The following TENM3 variants were observed in gnomAD, a reference collection of about 807,000 sequenced individuals.
The protein encoded by TENM3 is teneurin-3.
A neutral mutation model predicts 255.1 loss-of-function variants in TENM3; 63 were observed. That is an observed-to-expected ratio of 0.25 (90% CI 0.20 to 0.30). The LOEUF (loss-of-function observed/expected upper bound fraction) is 0.30, where lower values mean the gene tolerates loss of function less well. Among genes scored for constraint, TENM3 ranks in the 10% least tolerant of loss-of-function variants. The pLI is 1.00. For synonymous variants in TENM3, 1,306 were observed against 1,322.3 expected (o/e 0.99, Z 0.27); for missense variants, 2,929 against 3,461.1 (o/e 0.85, Z 3.86).
At chr4:182,355,687 C>T (rs1765476031) in intron 3 of TENM3, among the ~76,000 whole-genome samples, 1 of 151,724 alleles carries the variant, frequency 6.6e-6, no homozygotes, top group Admixed American at 6.6e-5. Context: ...AAAGGGAGAC[C>T]CATTTAAGTA....
At chr4:181,553,566 C>G in the TENM3 span, among the ~76,000 whole-genome samples, 10 of 151,904 alleles carry the variant, frequency 6.6e-5, no homozygotes, top group East Asian at 2.0e-4. Context: ...CTCAGCCTCC[C>G]GAGTAGCTGG....
the TENM3 span, among the ~76,000 whole-genome samples, chr4:182,076,326 T>C: frequency 1.2e-3 from 185 of 150,262 alleles, 2 homozygotes; most frequent in East Asian, 0.018. Context: ...TGCCTCAGCC[T>C]CCCAGTAGCT....
chr4:181,748,723 A>G, the TENM3 span, among the ~76,000 whole-genome samples: 2 of 152,066 alleles, frequency 1.3e-5, no homozygotes, highest in Admixed American at 6.6e-5. Flanking sequence ...TAACAGTCCA[A>G]TTGCTTGTCA....
the TENM3 span, among the ~76,000 whole-genome samples, chr4:181,919,830 C>A: frequency 6.7e-6 from 1 of 150,102 alleles, no homozygotes; most frequent in Non-Finnish European, 1.5e-5. Flanking sequence ...TGTGCTGCAC[C>A]CATTAACTCG....
the TENM3 span, among the ~76,000 whole-genome samples, chr4:181,458,459 T>A: frequency 2.6e-5 from 4 of 152,064 alleles, no homozygotes; most frequent in African/African-American, 9.6e-5. Flanking sequence ...GGGTGAAACG[T>A]CCTCTTGGAT....
chr4:182,679,675 G>A lies in TENM3; in HGVS notation c.1336G>A (p.Val446Met), dbSNP rs755138158. 39 of 1,612,156 alleles carry A rather than the reference G, an allele frequency of 2.4e-5. No homozygotes were observed. The highest frequency in any genetic ancestry group is 2.0e-4 in the Middle Eastern group (1 of 5,012). Residue 446 changes from valine (V) to methionine (M), a missense_variant, in exon 8 of 28, where the codon GTG (valine) becomes ATG (methionine). By Grantham distance (21) the Val-to-Met change is conservative. Transcript: ENST00000511685. ...CTCGTCCTCCCCCCAGTATGACTTCGTGGAGCTCCTGGATGGCAGCAGGCT... is the reference window on the plus strand; with the variant it reads ...CTCGTCCTCCCCCCAGTATGACTTCATGGAGCTCCTGGATGGCAGCAGGCT... ...LPPSHTQYDFVELLDGSRLIA... is the reference protein window; with the variant it reads ...LPPSHTQYDFMELLDGSRLIA...
chr4:182,619,231 T>C (rs1223873092), intron 4 of TENM3, among the ~76,000 whole-genome samples: 1 of 151,790 alleles, frequency 6.6e-6, no homozygotes, highest in African/African-American at 2.4e-5. Context: ...ATCAAGACCA[T>C]CCTGGCCAAC....
the TENM3 span, among the ~76,000 whole-genome samples, chr4:181,679,645 T>C: frequency 8.5e-5 from 13 of 152,122 alleles, no homozygotes; most frequent in Non-Finnish European, 1.5e-4. Context: ...CTCACCTTCC[T>C]CCTGAGGGAA....
the TENM3 span, among the ~76,000 whole-genome samples, chr4:181,632,566 G>A: frequency 2.4e-3 from 361 of 152,286 alleles, 1 homozygote; most frequent in Middle Eastern, 6.8e-3. Context: ...GATCTATATC[G>A]TAATGGAAAG....
At chr4:181,793,013 ATAAAT>A in the TENM3 span, among the ~76,000 whole-genome samples, 2 of 152,192 alleles carry the variant, frequency 1.3e-5, no homozygotes, top group East Asian at 3.9e-4. Flanking sequence ...CATTAAAAAA[ATAAAT>A]TAAGACAAAC....
rs772930684 is a variant in TENM3, at chr4:182,792,595, G to A, written c.5923G>A (p.Gly1975Arg). 6.2e-7 allele frequency: 1 copy of A among 1,613,886 alleles called. No individual in the cohort carries two copies. The highest frequency in any genetic ancestry group is 1.3e-5 in the African/African-American group (1 of 74,928). The change falls in exon 26 of 28, where the codon GGA (glycine) becomes AGA (arginine). Residue 1975 changes from glycine to arginine, a missense_variant. Gly to Arg is a moderately radical substitution (Grantham distance 125, BLOSUM62 -2). Coordinates refer to ENST00000511685, the MANE Select transcript of TENM3 (RefSeq NM_001080477.4). This position sits in a 1 kb window ranked among gnomAD's most constrained non-coding sequence, Gnocchi z 6.3. Reference protein sequence around the residue: ...RVSFTYDETAGVLKTVNLQSD... With the variant: ...RVSFTYDETARVLKTVNLQSD... ...CAGTTTTACCTATGATGAAACAGCA[G>A]GAGTCCTAAAGACAGTAAACCTCCA...
At chr4:182,481,391 G>GT (rs1250147533) in intron 3 of TENM3, among the ~76,000 whole-genome samples, 1 of 152,088 alleles carries the variant, frequency 6.6e-6, no homozygotes, top group Non-Finnish European at 1.5e-5. Context: ...GCTCCTGTTA[G>GT]TTATCTGTTT....
In TENM3 at chr4:182,802,799, G is replaced by C. The variant is rs1456667237; in HGVS notation, c.*2448G>C. On this transcript the variant is annotated 3_prime_UTR_variant, in exon 28 of 28. Transcript: ENST00000511685. ...TTTTCTAAGAGTTGGGAGGGGGTGGGGGACTGTATAATGAAAAGAATTAGC... is the reference window on the plus strand; with the variant it reads ...TTTTCTAAGAGTTGGGAGGGGGTGGCGGACTGTATAATGAAAAGAATTAGC... 1 of 152,208 alleles carries C rather than the reference G, an allele frequency of 6.6e-6. No individual in the cohort carries two copies. The highest frequency in any genetic ancestry group is 1.5e-5 in the Non-Finnish European group (1 of 67,986). 9.4% of individuals were successfully genotyped at this position (152,208 alleles called of 1,614,324 possible). A position where few individuals can be genotyped will look rare whatever the true frequency, so the allele number is the denominator to read the frequency against.
chr4:182,026,500 C>G, the TENM3 span, among the ~76,000 whole-genome samples: 1 of 152,078 alleles, frequency 6.6e-6, no homozygotes, highest in Non-Finnish European at 1.5e-5. Flanking sequence ...CTTTGGTTGC[C>G]TGTGCTCGTG....
Position 182,145,858 on chromosome 4 carries a change from G to T in TENM3, c.-76+1104G>T, listed in dbSNP as rs148920589. Among the ~76,000 whole-genome samples the T allele has an allele frequency of 2.1e-4, 32 of 152,292 alleles. No individual in the cohort carries two copies. The East Asian group carries it at 5.2e-3, about 25-fold the overall frequency. ...TTTTGTCAAACATTGGTAGACTCTG[G>T]CAGAATCCACTGGGTGGTCTTTTCA... On this transcript the variant is annotated intron_variant, in intron 1 of 2. Transcript: ENST00000512480.
the TENM3 span, among the ~76,000 whole-genome samples, chr4:182,043,791 G>A: frequency 6.6e-6 from 1 of 152,126 alleles, no homozygotes; most frequent in African/African-American, 2.4e-5. Flanking sequence ...CAGTGCAAAA[G>A]CAATCCTTGG....
chr4:181,816,308 T>G, the TENM3 span, among the ~76,000 whole-genome samples: 1 of 152,140 alleles, frequency 6.6e-6, no homozygotes, highest in South Asian at 2.1e-4. Context: ...ATTCCTCTAC[T>G]CATTTTCCAT....
At chr4:181,620,390 A>G in the TENM3 span, among the ~76,000 whole-genome samples, 1 of 152,224 alleles carries the variant, frequency 6.6e-6, no homozygotes, top group African/African-American at 2.4e-5. Context: ...ACAGTTGGCC[A>G]TGTGGAACTG....
chr4:182,554,144 A>C (rs1219209860), intron 3 of TENM3, among the ~76,000 whole-genome samples: 2 of 152,188 alleles, frequency 1.3e-5, no homozygotes, highest in African/African-American at 4.8e-5. Flanking sequence ...AAACATTTTA[A>C]ATATAACAAA....
Sources: gnomAD v4.1 joint callset for allele counts (sites outside exome capture counted in the v4.1 genomes callset) on GRCh38, gnomAD v4.1.1 for gene constraint, Gnocchi (gnomAD v3.1) non-coding constraint, MANE v1.5 for transcripts, NCBI Gene and HGNC (gene_info 2026-07-23, HGNC 2026-07-21) for gene names.